ROBO2: variants seen among roughly 807,000 people sequenced by gnomAD.
ROBO2 encodes roundabout guidance receptor 2, also known as roundabout homolog 2.
ROBO2 carries 53 observed loss-of-function variants against 160.8 expected under a neutral mutation model. The observed-to-expected ratio is 0.33, with a 90% confidence interval of 0.26 to 0.41. The LOEUF is 0.41. Among genes scored for constraint, ROBO2 ranks in the 10% least tolerant of loss-of-function variants. The pLI is 1.00. For missense variants in ROBO2, 1,577 were observed against 1,722.4 expected (o/e 0.92, Z 1.49); for synonymous variants, 664 against 611.7 (o/e 1.09, Z -1.26).
intron 2 of ROBO2, among the ~76,000 whole-genome samples, chr3:76,701,948 C>T (rs982921655): frequency 2.0e-5 from 3 of 151,496 alleles, no homozygotes; most frequent in Admixed American, 6.6e-5. Context: ...CAGACTTAAA[C>T]AGGCTCAGAG....
chr3:77,129,511 G>C (rs897764526), intron 2 of ROBO2, among the ~76,000 whole-genome samples: 1 of 152,158 alleles, frequency 6.6e-6, no homozygotes, highest in Non-Finnish European at 1.5e-5. Context: ...TTGTGGAAGC[G>C]TTTTTCCCTG....
At chr3:76,150,594 C>A (rs10865700) in intron 2 of ROBO2, among the ~76,000 whole-genome samples, 5,760 of 152,250 alleles carry the variant, frequency 0.038, 121 homozygotes, top group Middle Eastern at 0.068. Context: ...TTGCTGACTT[C>A]TGTCTGAAAC....
intron 2 of ROBO2, among the ~76,000 whole-genome samples, chr3:77,361,543 C>A (rs1015253709): frequency 4.3e-4 from 66 of 152,094 alleles, no homozygotes; most frequent in African/African-American, 1.6e-3. Context: ...GGTGCTGGGA[C>A]CTCCAAGATC....
intron 2 of ROBO2, among the ~76,000 whole-genome samples, chr3:77,182,995 A>C (rs2080933862): frequency 6.6e-6 from 1 of 152,040 alleles, no homozygotes. Context: ...AACAAACAAA[A>C]AACCTTTACT....
intron 2 of ROBO2, among the ~76,000 whole-genome samples, chr3:77,243,270 TA>T (rs1352514105): frequency 6.6e-6 from 1 of 152,182 alleles, no homozygotes; most frequent in East Asian, 1.9e-4. Flanking sequence ...TATTTAAGAC[TA>T]AATAAAACTA....
chr3:76,614,112 C>A (rs1306846377), intron 2 of ROBO2, among the ~76,000 whole-genome samples: 1 of 152,096 alleles, frequency 6.6e-6, no homozygotes, highest in Non-Finnish European at 1.5e-5. Context: ...ATTCTTCTTA[C>A]TACAATGTAG....
At chr3:77,615,879 C>T (rs534602743) in intron 21 of ROBO2, among the ~76,000 whole-genome samples, 5 of 152,074 alleles carry the variant, frequency 3.3e-5, no homozygotes, top group Non-Finnish European at 5.9e-5. Flanking sequence ...CAAGAATCAT[C>T]CGGACATTTA....
At chr3:76,508,702 A>G (rs1278997608) in intron 2 of ROBO2, among the ~76,000 whole-genome samples, 1 of 152,208 alleles carries the variant, frequency 6.6e-6, no homozygotes, top group African/African-American at 2.4e-5. Context: ...GCTACCACTC[A>G]AAAAACTTGA....
intron 2 of ROBO2, among the ~76,000 whole-genome samples, chr3:76,001,255 C>G (rs866861117): frequency 2.0e-5 from 3 of 152,166 alleles, no homozygotes; most frequent in Admixed American, 6.5e-5. Context: ...ATATGATCAT[C>G]TCTTCCCGTT....
At chr3:75,989,085 AT>A (rs1473703430) in intron 2 of ROBO2, among the ~76,000 whole-genome samples, 4 of 151,968 alleles carry the variant, frequency 2.6e-5, no homozygotes, top group African/African-American at 9.7e-5. Flanking sequence ...TCCATGAAGT[AT>A]TGCATTATTA....
intron 2 of ROBO2, among the ~76,000 whole-genome samples, chr3:76,807,791 C>G (rs1398081858): frequency 2.0e-5 from 3 of 151,944 alleles, no homozygotes; most frequent in Non-Finnish European, 2.9e-5. Flanking sequence ...ATGTTGACTG[C>G]TTTAAACAAT....
chr3:76,532,973 AT>A (rs1297569516), intron 2 of ROBO2, among the ~76,000 whole-genome samples: 1 of 152,210 alleles, frequency 6.6e-6, no homozygotes, highest in African/African-American at 2.4e-5. Flanking sequence ...AAAGAAAATA[AT>A]CCATCCTATT....
At chr3:76,180,248 A>G (rs900444300) in intron 2 of ROBO2, among the ~76,000 whole-genome samples, 3 of 152,176 alleles carry the variant, frequency 2.0e-5, no homozygotes, top group Non-Finnish European at 4.4e-5. Flanking sequence ...TCCCTAATGC[A>G]AATGTCTTGC....
At chr3:76,016,336 T>C (rs1056011404) in intron 2 of ROBO2, among the ~76,000 whole-genome samples, 2 of 152,030 alleles carry the variant, frequency 1.3e-5, no homozygotes, top group African/African-American at 4.8e-5. Context: ...TTAAACTTGA[T>C]ATTTAAAGTC....
chr3:77,133,274 C>A (rs146883293), intron 2 of ROBO2, among the ~76,000 whole-genome samples: 1 of 152,012 alleles, frequency 6.6e-6, no homozygotes, highest in South Asian at 2.1e-4. Context: ...GAGAGGGTAG[C>A]GATGAGGCCA....
chr3:76,903,846 A>G (rs2075401219), intron 2 of ROBO2, among the ~76,000 whole-genome samples: 1 of 152,174 alleles, frequency 6.6e-6, no homozygotes, highest in Non-Finnish European at 1.5e-5. Flanking sequence ...ATTTTTCTAG[A>G]AACTGAAACA....
At chr3:77,629,860 A>G in intron 23 of ROBO2, 1 of 152,206 alleles carries the variant, frequency 6.6e-6, no homozygotes, top group East Asian at 1.9e-4. Context: ...TTGAATTTCT[A>G]ATGTACAATG....
At chr3:76,857,170 A>C (rs2070207529) in intron 2 of ROBO2, among the ~76,000 whole-genome samples, 1 of 152,016 alleles carries the variant, frequency 6.6e-6, no homozygotes, top group Admixed American at 6.6e-5. Context: ...TATTTTTAGT[A>C]GAGACGGGGT....
intron 5 of ROBO2, among the ~76,000 whole-genome samples, chr3:77,512,256 C>T (rs1447844): frequency 1.3e-5 from 2 of 151,774 alleles, no homozygotes; most frequent in South Asian, 4.1e-4. Flanking sequence ...TTATGTGATT[C>T]TTAATAGGAG....
Sources: allele counts gnomAD v4.1 joint callset (sites outside exome capture counted in the v4.1 genomes callset), GRCh38; gene constraint gnomAD v4.1.1; transcripts MANE v1.5; gene names NCBI Gene and HGNC (gene_info 2026-07-23, HGNC 2026-07-21).